Variants in OSBPL3 observed in about 807,000 individuals in gnomAD.
OSBPL3 encodes the protein oxysterol binding protein like 3, also known as oxysterol-binding protein-related protein 3.
A neutral mutation model predicts 120.1 loss-of-function variants in OSBPL3; 65 were observed. The ratio of observed to expected loss-of-function variants is 0.54; its 90% CI spans 0.44 to 0.67. The LOEUF (loss-of-function observed/expected upper bound fraction) is 0.67. Ranked by LOEUF, OSBPL3 falls within the 30% of genes least tolerant of loss-of-function variation. OSBPL3 has a pLI of 0.00. For synonymous variants in OSBPL3, 416 were observed against 402.6 expected (o/e 1.03, Z -0.40); for missense variants, 1,004 against 1,082.1 (o/e 0.93, Z 1.01).
rs1796407072 is a variant in OSBPL3 at position 24,831,879 on chromosome 7, C to A, written c.1747-974G>T. On this transcript the variant is annotated intron_variant, in intron 15 of 22. Coordinates refer to ENST00000313367, the MANE Select transcript of OSBPL3 (RefSeq NM_015550.4). This position sits in a 1 kb window ranked among gnomAD's most constrained non-coding sequence, Gnocchi z 4.0. ...CCTCACCACCTCATGCTATAGAATT[C>A]TCTAGAGCAGCTGGATGGCTTATAA... is the stretch of plus-strand genomic sequence containing the variant. Among the ~76,000 whole-genome samples the A allele has an allele frequency of 6.6e-6, 1 of 152,164 alleles. No individual in the cohort carries two copies. The highest frequency in any genetic ancestry group is 2.1e-4 in the South Asian group (1 of 4,828).
intron 7 of OSBPL3, among the ~76,000 whole-genome samples, chr7:24,864,800 G>A (rs1801072442): frequency 6.6e-6 from 1 of 152,138 alleles, no homozygotes; most frequent in Admixed American, 6.5e-5. Context: ...GTTTCCTTAT[G>A]GCAGGCGCCT....
Position 24,838,484 on chromosome 7 carries a change from A to T in OSBPL3, c.1495+2206T>A, listed in dbSNP as rs146058985. On this transcript the variant is annotated intron_variant, in intron 14 of 22. Transcript: ENST00000313367. ...GCACTCCAGCCTGGGCGACAGAGTG[A>T]GACCCTGTCTTCATACACAAAAAAG... 1.3e-5 allele frequency among the ~76,000 whole-genome samples: 2 copies of T among 152,332 alleles called. 1 individual carries two copies. The highest frequency in any genetic ancestry group is 2.9e-5 in the Non-Finnish European group (2 of 68,026).
chr7:24,892,941 T>C (rs1805588920), intron 1 of OSBPL3, among the ~76,000 whole-genome samples: 1 of 152,210 alleles, frequency 6.6e-6, no homozygotes, highest in African/African-American at 2.4e-5. Context: ...GTGATAGCTA[T>C]AATAATTTTT....
In OSBPL3 at chr7:24,854,507, CACA is replaced by C. The variant is rs1799576825; in HGVS notation, c.1028-1876_1028-1874del. On this transcript the variant is annotated intron_variant, in intron 10 of 22. Transcript: ENST00000313367. This position sits in a 1 kb window ranked among gnomAD's most constrained non-coding sequence, Gnocchi z 4.1. Reference sequence around the variant, plus strand: ...CAATTTGTACACACACACACGCACACACACACACACACACACACACACACACAC... The same window carrying C: ...CAATTTGTACACACACACACGCACACCACACACACACACACACACACACAC... Among the ~76,000 whole-genome samples, 1 of 56,730 alleles carries C rather than the reference CACA, an allele frequency of 1.8e-5. No homozygotes were observed. Among genetic ancestry groups the C allele is most frequent in the Non-Finnish European group, 3.7e-5 (1 of 27,230 alleles). 37.2% of individuals were successfully genotyped at this position (56,730 alleles called of 152,430 possible). A position where few individuals can be genotyped will look rare whatever the true frequency, so the allele number is the denominator to read the frequency against.
rs1794879101 is a variant in OSBPL3, at chr7:24,819,643, A to G, written c.1948+532T>C. Among the ~76,000 whole-genome samples, 1 of 152,168 alleles carries G rather than the reference A, an allele frequency of 6.6e-6. No individual in the cohort carries two copies. The highest frequency in any genetic ancestry group is 6.5e-5 in the Admixed American group (1 of 15,278). On this transcript the variant is annotated intron_variant, in intron 17 of 22. Transcript: ENST00000313367. The surrounding 1 kb of genome is among the most constrained non-coding windows in gnomAD (Gnocchi z 4.1). ...TGTGCTCACTGTCCAAAAACCTAGG[A>G]TGCTTATATGTTCCTTCTACAGTAC...
At chr7:24,927,535 A>G (rs1260284720) in intron 1 of OSBPL3, among the ~76,000 whole-genome samples, 5 of 152,218 alleles carry the variant, frequency 3.3e-5, no homozygotes, top group Non-Finnish European at 7.3e-5. Context: ...TGAAGCTCTC[A>G]ATGATTCCCA....
intron 16 of OSBPL3, among the ~76,000 whole-genome samples, chr7:24,825,404 C>T (rs1443828724): frequency 6.6e-6 from 1 of 152,154 alleles, no homozygotes; most frequent in Non-Finnish European, 1.5e-5. Context: ...GGGGAGAATG[C>T]AGATGCCAAT....
rs1193433771 is a variant in OSBPL3 at position 24,939,595 on chromosome 7, C to A, written c.-150+40291G>T. Among the ~76,000 whole-genome samples the A allele has an allele frequency of 3.3e-5, 5 of 152,166 alleles. No individual in the cohort carries two copies. The highest frequency in any genetic ancestry group is 4.8e-5 in the African/African-American group (2 of 41,448). On this transcript the variant is annotated intron_variant, in intron 1 of 22. Transcript: ENST00000313367. The surrounding 1 kb of genome is among the most constrained non-coding windows in gnomAD (Gnocchi z 4.2). Reference sequence around the variant, plus strand: ...TGGGTCCTTGAGGACACAGTCAACCCACTGAATTAAGCAACTCTGGAACTT... The same window carrying A: ...TGGGTCCTTGAGGACACAGTCAACCAACTGAATTAAGCAACTCTGGAACTT...
In OSBPL3 at chr7:24,862,990, C is replaced by A. The variant is rs1282053251; in HGVS notation, c.870+210G>T. Among the ~76,000 whole-genome samples, 2 of 152,214 alleles carry A rather than the reference C, an allele frequency of 1.3e-5. No homozygotes were observed. The highest frequency in any genetic ancestry group is 1.3e-4 in the Admixed American group (2 of 15,282). ...CACCCTTTTTCCCTTAGAAAAAATTCTCTCCCTTGCCCACGATCCATTATG... is the reference window on the plus strand; with the variant it reads ...CACCCTTTTTCCCTTAGAAAAAATTATCTCCCTTGCCCACGATCCATTATG... On this transcript the variant is annotated intron_variant, in intron 9 of 22. Transcript: ENST00000313367. This position sits in a 1 kb window ranked among gnomAD's most constrained non-coding sequence, Gnocchi z 4.4.
rs544011465 is a variant in OSBPL3, at chr7:24,828,622, GA to G, written c.1884+2145del. Among the ~76,000 whole-genome samples, 326 of 79,884 alleles carry G rather than the reference GA, an allele frequency of 4.1e-3. 5 individuals carry two copies. Among genetic ancestry groups the G allele is most frequent in the South Asian group, 0.012 (27 of 2,310 alleles). The allele number at this position is 79,884 out of a possible 152,430, so 52.4% of individuals were successfully genotyped here. A position where few individuals can be genotyped will look rare whatever the true frequency, so the allele number is the denominator to read the frequency against. On this transcript the variant is annotated intron_variant, in intron 16 of 22. Transcript: ENST00000313367. ...ACTCTGTCTGAAAAAAAAAAAAAAA[GA>G]AAAAAAAAAAAAAGGCATCGTAGAA...
chr7:24,890,495 G>A (rs749929708), intron 2 of OSBPL3, among the ~76,000 whole-genome samples: 2 of 152,146 alleles, frequency 1.3e-5, no homozygotes, highest in Non-Finnish European at 2.9e-5. Flanking sequence ...GGGGGCCAAG[G>A]TGGACCCCGT....
At chr7:24,943,139 T>G (rs1813290737) in intron 1 of OSBPL3, among the ~76,000 whole-genome samples, 1 of 152,226 alleles carries the variant, frequency 6.6e-6, no homozygotes, top group South Asian at 2.1e-4. Flanking sequence ...ATTAAGTCCT[T>G]ACTATAGTCT....
rs925759679 is a variant in OSBPL3 at position 24,912,597 on chromosome 7, T to C, written c.-149-19976A>G. Reference sequence around the variant, plus strand: ...CCCCAGCACAGAACAATGACAATCATAGCTCCTGAAAATGAGAAGCACCCA... The same window carrying C: ...CCCCAGCACAGAACAATGACAATCACAGCTCCTGAAAATGAGAAGCACCCA... On this transcript the variant is annotated intron_variant, in intron 1 of 22. Transcript: ENST00000313367. This position sits in a 1 kb window ranked among gnomAD's most constrained non-coding sequence, Gnocchi z 4.5. 2.0e-5 allele frequency among the ~76,000 whole-genome samples: 3 copies of C among 152,154 alleles called. No homozygotes were observed. The highest frequency in any genetic ancestry group is 6.5e-5 in the Admixed American group (1 of 15,276).
At chr7:24,954,099 T>C (rs990302325) in intron 1 of OSBPL3, among the ~76,000 whole-genome samples, 1 of 152,162 alleles carries the variant, frequency 6.6e-6, no homozygotes, top group African/African-American at 2.4e-5. Flanking sequence ...CCCAAAACTA[T>C]CTTTTTCATG....
intron 1 of OSBPL3, among the ~76,000 whole-genome samples, chr7:24,926,980 T>C (rs747815209): frequency 1.1e-4 from 17 of 152,156 alleles, no homozygotes; most frequent in South Asian, 1.0e-3. Flanking sequence ...TGGAAGAAAA[T>C]TGGAATGGAT....
intron 1 of OSBPL3, among the ~76,000 whole-genome samples, chr7:24,923,608 A>G (rs1313219708): frequency 2.0e-5 from 3 of 152,192 alleles, no homozygotes; most frequent in African/African-American, 7.2e-5. Flanking sequence ...AGATTGACAG[A>G]CAGGAGTCCC....
intron 1 of OSBPL3, among the ~76,000 whole-genome samples, chr7:24,927,862 T>A (rs1361749988): frequency 6.6e-6 from 1 of 152,168 alleles, no homozygotes; most frequent in African/African-American, 2.4e-5. Context: ...GAGGTATAAT[T>A]TATATCCAAT....
rs1799624970 is a variant in OSBPL3, at chr7:24,854,754, G to T, written c.1028-2120C>A. Among the ~76,000 whole-genome samples, 1 of 152,204 alleles carries T rather than the reference G, an allele frequency of 6.6e-6. No homozygotes were observed. The highest frequency in any genetic ancestry group is 1.5e-5 in the Non-Finnish European group (1 of 68,042). On this transcript the variant is annotated intron_variant, in intron 10 of 22. Transcript: ENST00000313367. The surrounding 1 kb of genome is among the most constrained non-coding windows in gnomAD (Gnocchi z 4.1). The stretch of plus-strand genomic sequence containing the variant: ...ATCACCTATTAACTCCATGACCTTG[G>T]ATGAGTAAATGATGTGCCTGAACCC...
At chr7:24,892,249 C>T in intron 2 of OSBPL3, 128 bp downstream of exon 2, 1 of 851,878 alleles carries the variant, frequency 1.2e-6, no homozygotes. Context: ...CTCATACAGT[C>T]AAGAGATAAC....
Sources: gnomAD v4.1 joint callset for allele counts (sites outside exome capture counted in the v4.1 genomes callset) on GRCh38, gnomAD v4.1.1 for gene constraint, Gnocchi (gnomAD v3.1) non-coding constraint, MANE v1.5 for transcripts, NCBI Gene and HGNC (gene_info 2026-07-23, HGNC 2026-07-21) for gene names.